IL1RAPL1: variants seen among roughly 807,000 people sequenced by gnomAD.
IL1RAPL1 encodes interleukin 1 receptor accessory protein like 1.
IL1RAPL1 carries 3 observed loss-of-function variants against 48.4 expected under a neutral mutation model. The observed-to-expected ratio is 0.06, with a 90% confidence interval of 0.03 to 0.16. The LOEUF (loss-of-function observed/expected upper bound fraction) is 0.16, where lower values mean the gene tolerates loss of function less well. Among genes scored for constraint, IL1RAPL1 ranks in the 10% least tolerant of loss-of-function variants. The pLI, the probability that IL1RAPL1 is intolerant of heterozygous loss-of-function variation, is 1.00. For synonymous variants in IL1RAPL1, 185 were observed against 187.7 expected, an observed-to-expected ratio of 0.99 and a Z score of 0.12; for missense variants, 349 against 530.6, an observed-to-expected ratio of 0.66 and a Z score of 3.36.
intron 2 of IL1RAPL1, among the ~76,000 whole-genome samples, chrX:29,176,076 G>A (rs1930010895): frequency 9.9e-6 from 1 of 100,944 alleles, no homozygotes. Context: ...GGTAGAGTTT[G>A]GTAATTTGCT....
intron 2 of IL1RAPL1, among the ~76,000 whole-genome samples, chrX:29,275,294 G>A (rs1164463870): frequency 9.0e-6 from 1 of 111,619 alleles, no homozygotes; most frequent in Admixed American, 9.5e-5. Flanking sequence ...AGTCCTCCAG[G>A]TGATTCTGAT....
chrX:29,828,812 T>C (rs1930799820), intron 6 of IL1RAPL1, among the ~76,000 whole-genome samples: 1 of 110,588 alleles, frequency 9.0e-6, no homozygotes, highest in African/African-American at 3.3e-5. Flanking sequence ...ATGACTTTTA[T>C]GGAAAATCAG....
intron 6 of IL1RAPL1, among the ~76,000 whole-genome samples, chrX:29,776,196 A>G (rs997882560): frequency 9.0e-6 from 1 of 111,355 alleles, no homozygotes; most frequent in Non-Finnish European, 1.9e-5. Context: ...TTCTCTTGAT[A>G]TGATCTGGAC....
intron 6 of IL1RAPL1, among the ~76,000 whole-genome samples, chrX:29,786,449 A>G (rs1929501739): frequency 9.0e-6 from 1 of 111,674 alleles, no homozygotes; most frequent in Non-Finnish European, 1.9e-5. Flanking sequence ...GATTTGTATG[A>G]TAAGTGTGGA....
intron 2 of IL1RAPL1, among the ~76,000 whole-genome samples, chrX:29,040,880 A>G (rs1383374157): frequency 1.8e-5 from 2 of 112,096 alleles, no homozygotes; most frequent in Non-Finnish European, 3.8e-5. Flanking sequence ...TGCTAACTGT[A>G]GATGTTGCAG....
intron 2 of IL1RAPL1, among the ~76,000 whole-genome samples, chrX:29,035,911 G>A (rs1251060553): frequency 8.9e-6 from 1 of 111,952 alleles, no homozygotes; most frequent in Non-Finnish European, 1.9e-5. Flanking sequence ...TAAATGATAG[G>A]TTTTTGTTTT....
chrX:29,429,008 A>G (rs1203406749), intron 5 of IL1RAPL1, among the ~76,000 whole-genome samples: 1 of 112,287 alleles, frequency 8.9e-6, no homozygotes, highest in African/African-American at 3.2e-5. Flanking sequence ...ACTCCAATGT[A>G]TTCTTTGATT....
At chrX:29,223,974 T>C (rs2147552166) in intron 2 of IL1RAPL1, among the ~76,000 whole-genome samples, 1 of 111,696 alleles carries the variant, frequency 9.0e-6, no homozygotes, top group Non-Finnish European at 1.9e-5. Context: ...TCCATCTCTC[T>C]CTCCTGTACG....
chrX:29,412,803 T>A (rs1934161465), intron 5 of IL1RAPL1, among the ~76,000 whole-genome samples: 1 of 111,995 alleles, frequency 8.9e-6, no homozygotes, highest in South Asian at 3.7e-4. Flanking sequence ...TCTGTCTTCA[T>A]TAAATGTTGT....
At chrX:29,091,125 A>G (rs144227094) in intron 2 of IL1RAPL1, among the ~76,000 whole-genome samples, 223 of 112,304 alleles carry the variant, frequency 2.0e-3, no homozygotes, top group African/African-American at 6.2e-3. Context: ...ACTAGATGCT[A>G]TCTTTCGTAT....
At chrX:28,784,099 C>T (rs1032164234) in intron 1 of IL1RAPL1, among the ~76,000 whole-genome samples, 1 of 112,055 alleles carries the variant, frequency 8.9e-6, no homozygotes, top group African/African-American at 3.2e-5. Flanking sequence ...GATTTAGACA[C>T]AAGTTTCCCT....
intron 5 of IL1RAPL1, among the ~76,000 whole-genome samples, chrX:29,507,691 C>T (rs1312603212): frequency 4.6e-5 from 5 of 108,930 alleles, no homozygotes; most frequent in African/African-American, 1.7e-4. Flanking sequence ...TAGATAGTAC[C>T]TATAGTGTGT....
chrX:29,414,893 T>C (rs1194644178), intron 5 of IL1RAPL1, among the ~76,000 whole-genome samples: 1 of 111,535 alleles, frequency 9.0e-6, no homozygotes, highest in African/African-American at 3.3e-5. Flanking sequence ...ACAGAGTCTC[T>C]GGTGTGGAAA....
In IL1RAPL1 at chrX:29,871,628, T is replaced by C. The variant is rs746523765; in HGVS notation, c.779-45836T>C. On this transcript the variant is annotated intron_variant, in intron 6 of 10. Transcript: ENST00000378993. ...ACATTAGAAGGGAAGCTTTCCTATTTATGATTCCTATTTAATTGGAGTGAA... is the reference window on the plus strand; with the variant it reads ...ACATTAGAAGGGAAGCTTTCCTATTCATGATTCCTATTTAATTGGAGTGAA... Among the ~76,000 whole-genome samples, 4 of 112,621 alleles carry C rather than the reference T, an allele frequency of 3.6e-5. No homozygotes were observed. The East Asian group carries it at 1.1e-3, about 31-fold the overall frequency.
intron 5 of IL1RAPL1, among the ~76,000 whole-genome samples, chrX:29,567,647 T>C (rs896158074): frequency 8.9e-6 from 1 of 111,755 alleles, no homozygotes; most frequent in African/African-American, 3.2e-5. Context: ...TTTGATGAAA[T>C]TGATGCAGTT....
intron 2 of IL1RAPL1, among the ~76,000 whole-genome samples, chrX:29,037,110 C>A (rs1014004359): frequency 8.0e-5 from 9 of 111,877 alleles, no homozygotes; most frequent in African/African-American, 2.9e-4. Context: ...AACTTCTGTT[C>A]TGCTTCAGTG....
At chrX:29,790,519 C>T (rs1410479244) in intron 6 of IL1RAPL1, among the ~76,000 whole-genome samples, 2 of 112,192 alleles carry the variant, frequency 1.8e-5, no homozygotes, top group African/African-American at 6.5e-5. Context: ...GCAATGGTTA[C>T]ACTTCTGGCT....
At chrX:29,409,983 C>G (rs757085792) in intron 5 of IL1RAPL1, among the ~76,000 whole-genome samples, 1 of 109,886 alleles carries the variant, frequency 9.1e-6, no homozygotes, top group African/African-American at 3.3e-5. Context: ...CCACCACGCC[C>G]GGCTAATTTT....
In IL1RAPL1 at chrX:29,211,886, G is replaced by A. The variant is rs1930775612; in HGVS notation, c.83-71052G>A. On this transcript the variant is annotated intron_variant, in intron 2 of 10. Coordinates refer to ENST00000378993, the MANE Select transcript of IL1RAPL1 (RefSeq NM_014271.4). ...GCATGCCCTGGATTCAGTCCTTGGT[G>A]TCTTGGATCTTCCCTTTCTATACTT... Among the ~76,000 whole-genome samples, 3 of 111,309 alleles carry A rather than the reference G, an allele frequency of 2.7e-5. No homozygotes were observed. In the Admixed American group the frequency reaches 2.9e-4, roughly 11 times the overall value.
Sources: gnomAD v4.1 joint callset for allele counts (sites outside exome capture counted in the v4.1 genomes callset) on GRCh38, gnomAD v4.1.1 for gene constraint, MANE v1.5 for transcripts, NCBI Gene and HGNC (gene_info 2026-07-23, HGNC 2026-07-21) for gene names.